Variants in TUBGCP6 observed in about 807,000 individuals in gnomAD.
The protein encoded by TUBGCP6 is gamma-tubulin complex component 6.
TUBGCP6 carries 161 observed loss-of-function variants against 175.8 expected under a neutral mutation model. The ratio of observed to expected loss-of-function variants is 0.92; its 90% CI spans 0.81 to 1.04. The LOEUF is 1.04. Ranked by LOEUF, TUBGCP6 falls within the 50% of genes least tolerant of loss-of-function variation. The pLI is 0.00. For synonymous variants in TUBGCP6, 1,173 were observed against 1,030.5 expected (o/e 1.14, Z -2.65); for missense variants, 2,572 against 2,433.0 (o/e 1.06, Z -1.20).
intron 13 of TUBGCP6, chr22:50,223,034 TTC>T (rs2064552953): frequency 6.2e-6 from 1 of 160,124 alleles, no homozygotes; most frequent in Non-Finnish European, 1.4e-5. Flanking sequence ...CAAAGCCTGC[TTC>T]ACCGATCGTG....
chr22:50,238,238 T>C (rs190322086), intron 2 of TUBGCP6, among the ~76,000 whole-genome samples: 2 of 152,016 alleles, frequency 1.3e-5, no homozygotes, highest in Non-Finnish European at 2.9e-5. Flanking sequence ...TATGGTGAGC[T>C]GAAGAATGTT....
chr22:50,227,523 G>A (rs866706161), intron 5 of TUBGCP6, among the ~76,000 whole-genome samples: 3 of 152,150 alleles, frequency 2.0e-5, no homozygotes. Context: ...AGCCTGGAAG[G>A]TCGCCTCTCC....
intron 11 of TUBGCP6, 42 bp downstream of exon 11, chr22:50,224,469 G>A: frequency 6.2e-7 from 1 of 1,614,146 alleles, no homozygotes; most frequent in South Asian, 1.1e-5. Flanking sequence ...GCCCCAGCAA[G>A]GCCCCCCGGA....
At chr22:50,238,383 G>A (rs2064801755) in intron 2 of TUBGCP6, among the ~76,000 whole-genome samples, 1 of 150,892 alleles carries the variant, frequency 6.6e-6, no homozygotes, top group Admixed American at 6.6e-5. Flanking sequence ...GGAGGCGGAG[G>A]TTGCAGTGAG....
In TUBGCP6 at chr22:50,243,367, C is replaced by T. The variant is rs529747074; in HGVS notation, c.741+352G>A. ...ACTCGGGAGGCTGAGGTAGGAGAAT[C>T]ACTTGACCCCGGGAGGCGGCGGTTA... On this transcript the variant is annotated intron_variant, in intron 1 of 24. Coordinates refer to ENST00000248846, the MANE Select transcript of TUBGCP6 (RefSeq NM_020461.4). Among the ~76,000 whole-genome samples, 92 of 151,084 alleles carry T rather than the reference C, an allele frequency of 6.1e-4. 1 individual carries two copies. Among genetic ancestry groups the T allele is most frequent in the African/African-American group, 2.2e-3 (90 of 41,102 alleles).
Position 50,224,465 on chromosome 22 carries a change from G to T in TUBGCP6, c.2066-45C>A, listed in dbSNP as rs372393628. 4 of 1,613,920 alleles carry T rather than the reference G, an allele frequency of 2.5e-6. No individual in the cohort carries two copies. In the African/African-American group the frequency reaches 5.3e-5, roughly 22 times the overall value. On this transcript the variant is annotated intron_variant, in intron 11 of 24. Transcript: ENST00000248846. ...GGCGCACTGTCACAAGGAGGCCCCA[G>T]CAAGGCCCCCCGGAACTGCAGAAGG...
Position 50,217,725 on chromosome 22 carries a change from G to A in TUBGCP6, c.*11C>T, listed in dbSNP as rs374811995. On this transcript the variant is annotated 3_prime_UTR_variant, in exon 25 of 25. Transcript: ENST00000248846. ...AACACCTTTATTGTGCACGTCCCCC[G>A]CAGAGCAGCCTCAGGCGTCCTGGTA... 1.2e-5 allele frequency: 20 copies of A among 1,612,884 alleles called. No individual in the cohort carries two copies. Among genetic ancestry groups the A allele is most frequent in the African/African-American group, 9.3e-5 (7 of 74,884 alleles).
At chr22:50,231,323 C>A (rs1221027633) in intron 3 of TUBGCP6, among the ~76,000 whole-genome samples, 1 of 148,502 alleles carries the variant, frequency 6.7e-6, no homozygotes, top group African/African-American at 2.5e-5. Context: ...GCGTGGTAGT[C>A]CATGCCTGTA....
In TUBGCP6 at chr22:50,220,638, T is replaced by C; in HGVS notation, c.3721A>G (p.Thr1241Ala). Residue 1241 changes from threonine to alanine, a missense_variant, in exon 16 of 25, where the codon ACC (threonine) becomes GCC (alanine). Coordinates refer to ENST00000248846, the MANE Select transcript of TUBGCP6 (RefSeq NM_020461.4). ...CTGGCGTCGGACACGTGTCCATGGG[T>C]GTTGCACCGTGACCGGATGGGAGCC... ...DVAPIRSRCN[T>A]HGHVSDASIS... 1 of 1,609,780 alleles carries C rather than the reference T, an allele frequency of 6.2e-7. No individual in the cohort carries two copies. The highest frequency in any genetic ancestry group is 8.5e-7 in the Non-Finnish European group (1 of 1,179,444).
chr22:50,219,741 T>C lies in TUBGCP6; in HGVS notation c.4218A>G (p.Ala1406=), dbSNP rs201357787. ...SSPGRGEEAE[A]SAAEAQGGEQ... is the part of the protein sequence containing the mutation. The stretch of plus-strand genomic sequence containing the variant: ...CCCCACCCTGAGCCTCCGCCGCCGA[T>C]GCCTCCGCCTCCTCACCACGGCCTG... The change falls in exon 18 of 25, where the codon GCA becomes GCG. Residue 1406 remains alanine (A), a synonymous_variant. Coordinates refer to ENST00000248846, the MANE Select transcript of TUBGCP6 (RefSeq NM_020461.4). 16 of 1,613,798 alleles carry C rather than the reference T, an allele frequency of 9.9e-6. No homozygotes were observed. In the East Asian group the frequency reaches 3.1e-4, roughly 31 times the overall value.
At chr22:50,218,672 C>G (rs1210432115) in intron 21 of TUBGCP6, 31 bp downstream of exon 21, 2 of 1,613,498 alleles carry the variant, frequency 1.2e-6, no homozygotes, top group African/African-American at 2.7e-5. Context: ...AGGCCCCTGT[C>G]CCATCCCCCG....
At chr22:50,222,682 CAG>C in intron 13 of TUBGCP6, 90 bp from the exon 14 acceptor site, 1 of 1,550,030 alleles carries the variant, frequency 6.5e-7, no homozygotes, top group Non-Finnish European at 8.7e-7. Flanking sequence ...TTCTCCATAA[CAG>C]AGGCCCCAGT....
Position 50,218,714 on chromosome 22 carries a change from G to A in TUBGCP6, c.4810C>T (p.Leu1604Phe), listed in dbSNP as rs1486903314. The A allele has an allele frequency of 6.2e-7, 1 of 1,613,792 alleles. No individual in the cohort carries two copies. Among genetic ancestry groups the A allele is most frequent in the Non-Finnish European group, 8.5e-7 (1 of 1,179,902 alleles). ...GGGCTGCTGCTGACCTTGTACCTGA[G>A]CTCCAGGCAGCTCAGCACATCCGGG... The part of the protein sequence containing the change: ...NAPDVLSCLE[L>F]RYKVDWPLNI... The change falls in exon 21 of 25, where the codon CTC becomes TTC. Residue 1604 changes from leucine (L) to phenylalanine (F), a missense_variant. Physicochemically the swap from Leu to Phe is conservative, Grantham distance 22. Transcript: ENST00000248846.
rs939898674 is a variant in TUBGCP6 at position 50,244,705 on chromosome 22, A to G, written c.-246T>C. The G allele has an allele frequency of 7.2e-6, 4 of 552,282 alleles. No homozygotes were observed. The highest frequency in any genetic ancestry group is 7.2e-5 in the Admixed American group (2 of 27,866). The allele number at this position is 552,282 out of a possible 1,614,324, so 34.2% of individuals were successfully genotyped here. On this transcript the variant is annotated 5_prime_UTR_variant, in exon 1 of 25. Transcript: ENST00000248846. ...GGCGCCCGGCAGCCCACCAGAAGCC[A>G]GCTCGGCGTTTCTTCTAATTCAGTA...
Position 50,219,289 on chromosome 22 carries a change from G to A in TUBGCP6, c.4483C>T (p.His1495Tyr). The change falls in exon 19 of 25, where the codon CAC becomes TAC. Residue 1495 changes from histidine to tyrosine, a missense_variant and splice_region_variant. Physicochemically the swap from His to Tyr is moderately conservative, Grantham distance 83. Coordinates refer to ENST00000248846, the MANE Select transcript of TUBGCP6 (RefSeq NM_020461.4). The part of the protein sequence containing the change: ...KRSITAPLAA[H>Y]ISLVNKAAVD... ...TGGCGCAGGGGCAGGGGCACTCACT[G>A]GGCGGCCAGCGGTGCCGTGATGGAG... The A allele has an allele frequency of 6.2e-7, 1 of 1,604,256 alleles. No individual in the cohort carries two copies. Among genetic ancestry groups the A allele is most frequent in the South Asian group, 1.1e-5 (1 of 89,908 alleles).
intron 14 of TUBGCP6, 85 bp from the exon 15 acceptor site, chr22:50,222,187 A>G (rs749301330): frequency 7.0e-7 from 1 of 1,419,766 alleles, no homozygotes; most frequent in Middle Eastern, 1.9e-4. Context: ...CCTACCGCCC[A>G]TGGCAGCCAT....
chr22:50,240,865 T>C (rs922140886), intron 1 of TUBGCP6, among the ~76,000 whole-genome samples: 2 of 152,164 alleles, frequency 1.3e-5, no homozygotes, highest in African/African-American at 4.8e-5. Flanking sequence ...GGTGGGCACC[T>C]GTGGTCCCAG....
In TUBGCP6 at chr22:50,226,765, G is replaced by A; in HGVS notation, c.1569C>T (p.Ser523=). The change falls in exon 7 of 25, where the codon TCC becomes TCT. Residue 523 remains serine, a synonymous_variant. Coordinates refer to ENST00000248846, the MANE Select transcript of TUBGCP6 (RefSeq NM_020461.4). The stretch of plus-strand genomic sequence containing the variant: ...AGGGCTCGCAGCTGGTCTTCAGCAG[G>A]GACAGCAGTACAGGGTAGTGCTCGT... ...CSNEHYPVLL[S]LLKTSCEPYT... is the part of the protein sequence containing the mutation. The A allele has an allele frequency of 6.3e-7, 1 of 1,592,824 alleles. No homozygotes were observed. Among genetic ancestry groups the A allele is most frequent in the South Asian group, 1.1e-5 (1 of 87,442 alleles).
chr22:50,234,558 G>A (rs1482835080), intron 2 of TUBGCP6, among the ~76,000 whole-genome samples: 1 of 107,174 alleles, frequency 9.3e-6, no homozygotes, highest in South Asian at 3.2e-4. Flanking sequence ...CCACACCCAG[G>A]TCCACGGCAG....
Sources: gnomAD v4.1 joint callset for allele counts (sites outside exome capture counted in the v4.1 genomes callset) on GRCh38, gnomAD v4.1.1 for gene constraint, MANE v1.5 for transcripts, NCBI Gene and HGNC (gene_info 2026-07-23, HGNC 2026-07-21) for gene names.